The following CNTN4 variants were observed in gnomAD, a reference collection of about 807,000 sequenced individuals.
CNTN4 encodes the protein contactin-4.
In CNTN4, 77 loss-of-function variants were observed where a neutral mutation model predicts 122.5. That is an observed-to-expected ratio of 0.63 (90% CI 0.52 to 0.76). The LOEUF (loss-of-function observed/expected upper bound fraction) is 0.76. CNTN4 is among the 30% of genes least tolerant of loss of function. The pLI, the probability that CNTN4 is intolerant of heterozygous loss-of-function variation, is 0.00. For synonymous variants in CNTN4, 512 were observed against 447.0 expected (o/e 1.15, Z -1.83); for missense variants, 1,256 against 1,259.1 (o/e 1.00, Z 0.04).
intron 2 of CNTN4, among the ~76,000 whole-genome samples, chr3:2,212,731 T>G (rs974309532): frequency 6.6e-6 from 1 of 152,222 alleles, no homozygotes; most frequent in Non-Finnish European, 1.5e-5. Context: ...TTTTCAATTG[T>G]TGCATATTTG....
intron 3 of CNTN4, among the ~76,000 whole-genome samples, chr3:2,443,072 A>G (rs2048495052): frequency 6.6e-6 from 1 of 152,034 alleles, no homozygotes; most frequent in Non-Finnish European, 1.5e-5. Flanking sequence ...GAAGTAATGT[A>G]TACAACAAAC....
chr3:2,899,242 A>G (rs1365049220), intron 10 of CNTN4, among the ~76,000 whole-genome samples: 1 of 152,256 alleles, frequency 6.6e-6, no homozygotes, highest in Non-Finnish European at 1.5e-5. Context: ...AAGGTGAAAT[A>G]CAGTTTGGCC....
chr3:2,775,402 C>T (rs890149059), intron 6 of CNTN4, among the ~76,000 whole-genome samples: 2 of 152,084 alleles, frequency 1.3e-5, no homozygotes, highest in African/African-American at 4.8e-5. Context: ...TGTTGCCCAT[C>T]ATTTAATCTC....
intron 7 of CNTN4, among the ~76,000 whole-genome samples, chr3:2,864,505 G>T (rs529607044): frequency 6.6e-6 from 1 of 151,874 alleles, no homozygotes; most frequent in African/African-American, 2.4e-5. Flanking sequence ...TTGTGGGGCC[G>T]AGGAGGGCAG....
At chr3:2,108,825 A>G (rs573468999) in intron 2 of CNTN4, among the ~76,000 whole-genome samples, 55 of 152,326 alleles carry the variant, frequency 3.6e-4, no homozygotes, top group African/African-American at 1.3e-3. Flanking sequence ...ACTACATGCA[A>G]AGTACAAGCA....
At chr3:2,336,260 T>C (rs1178547) in intron 2 of CNTN4, among the ~76,000 whole-genome samples, 102,722 of 151,964 alleles carry the variant, frequency 0.68, 35,384 homozygotes, top group East Asian at 0.95. Context: ...AGTAATTTTA[T>C]TTTGACAGCA....
intron 3 of CNTN4, among the ~76,000 whole-genome samples, chr3:2,440,655 A>C (rs1201633599): frequency 6.6e-6 from 1 of 151,854 alleles, no homozygotes; most frequent in Non-Finnish European, 1.5e-5. Flanking sequence ...TAATTTACTC[A>C]TCCATTCAAC....
intron 6 of CNTN4, among the ~76,000 whole-genome samples, chr3:2,813,125 C>G (rs909672031): frequency 8.5e-5 from 13 of 152,156 alleles, no homozygotes; most frequent in Non-Finnish European, 1.8e-4. Flanking sequence ...GAGCAAATGG[C>G]AGAGAGTCAA....
At chr3:2,487,572 C>T (rs1575748042) in intron 3 of CNTN4, among the ~76,000 whole-genome samples, 1 of 152,302 alleles carries the variant, frequency 6.6e-6, no homozygotes. Context: ...TCCAAATACT[C>T]TTTAGCACAG....
intron 4 of CNTN4, among the ~76,000 whole-genome samples, chr3:2,598,933 G>T (rs1456678599): frequency 1.3e-5 from 2 of 152,116 alleles, no homozygotes; most frequent in African/African-American, 2.4e-5. Context: ...GGAGAAGATT[G>T]TTATTTTTTA....
At chr3:2,953,606 C>T (rs1457494244) in intron 13 of CNTN4, among the ~76,000 whole-genome samples, 2 of 152,092 alleles carry the variant, frequency 1.3e-5, no homozygotes, top group African/African-American at 4.8e-5. Context: ...TACCTAAACA[C>T]TGGAGAAGTC....
chr3:2,180,238 A>T (rs1453278735), intron 2 of CNTN4, among the ~76,000 whole-genome samples: 3 of 152,012 alleles, frequency 2.0e-5, no homozygotes, highest in Non-Finnish European at 4.4e-5. Flanking sequence ...AAGGATAGGG[A>T]TGGAACTAAC....
intron 4 of CNTN4, among the ~76,000 whole-genome samples, chr3:2,667,369 T>G (rs1356558972): frequency 1.3e-5 from 2 of 152,186 alleles, no homozygotes; most frequent in Non-Finnish European, 2.9e-5. Flanking sequence ...TCATGTGTCT[T>G]TTGGCTGCAT....
At chr3:2,750,949 T>C (rs1174881032) in intron 6 of CNTN4, among the ~76,000 whole-genome samples, 2 of 152,126 alleles carry the variant, frequency 1.3e-5, no homozygotes, top group Non-Finnish European at 2.9e-5. Context: ...AGAAGACAGT[T>C]GACATCTTAA....
At chr3:2,754,791 A>C (rs2090256740) in intron 6 of CNTN4, among the ~76,000 whole-genome samples, 1 of 152,058 alleles carries the variant, frequency 6.6e-6, no homozygotes, top group African/African-American at 2.4e-5. Flanking sequence ...AGAGTAATGT[A>C]ACACAATAAA....
intron 2 of CNTN4, among the ~76,000 whole-genome samples, chr3:2,214,817 T>G (rs967761371): frequency 7.2e-5 from 11 of 152,212 alleles, no homozygotes; most frequent in Non-Finnish European, 1.3e-4. Flanking sequence ...TCTTTAGCAT[T>G]GTTAAATATA....
intron 3 of CNTN4, among the ~76,000 whole-genome samples, chr3:2,433,772 T>C (rs570330953): frequency 6.6e-6 from 1 of 152,356 alleles, no homozygotes; most frequent in East Asian, 1.9e-4. Context: ...TTCAAGTCTT[T>C]AATCCATTTT....
chr3:2,440,686 A>G (rs2151280389), intron 3 of CNTN4, among the ~76,000 whole-genome samples: 1 of 151,746 alleles, frequency 6.6e-6, no homozygotes, highest in East Asian at 1.9e-4. Context: ...ATTCACACAT[A>G]TACGTATATA....
intron 13 of CNTN4, among the ~76,000 whole-genome samples, chr3:2,926,834 T>A (rs9284862): frequency 0.72 from 109,038 of 152,028 alleles, 39,335 homozygotes; most frequent in Middle Eastern, 0.79. Context: ...AAATTTGTGG[T>A]ATACATCCCT....
Sources: gnomAD v4.1 joint callset for allele counts (sites outside exome capture counted in the v4.1 genomes callset) on GRCh38, gnomAD v4.1.1 for gene constraint, MANE v1.5 for transcripts, NCBI Gene and HGNC (gene_info 2026-07-23, HGNC 2026-07-21) for gene names.